CCDC138: variants seen among roughly 807,000 people sequenced by gnomAD.
The protein encoded by CCDC138 is coiled-coil domain containing 138, also known as coiled-coil domain-containing protein 138.
Under a neutral mutation model 82.3 loss-of-function variants are expected in CCDC138, and 66 were observed. The ratio of observed to expected loss-of-function variants is 0.80; its 90% CI spans 0.66 to 0.98. The LOEUF (loss-of-function observed/expected upper bound fraction) is 0.98, where lower values mean the gene tolerates loss of function less well. Ranked by LOEUF, CCDC138 falls within the 50% of genes least tolerant of loss-of-function variation. The pLI, the probability that CCDC138 is intolerant of heterozygous loss-of-function variation, is 0.00. For synonymous variants in CCDC138, 297 were observed against 265.4 expected (o/e 1.12, Z -1.16); for missense variants, 816 against 758.9 (o/e 1.08, Z -0.88).
intron 10 of CCDC138, among the ~76,000 whole-genome samples, chr2:108,837,906 G>A (rs1245802684): frequency 6.6e-6 from 1 of 151,886 alleles, no homozygotes; most frequent in African/African-American, 2.4e-5. Context: ...AACTTATGAG[G>A]TGTCTATAAT....
At chr2:108,882,221 GT>G (rs1442473608) in intron 1 of CCDC138, 3 of 151,588 alleles carry the variant, frequency 2.0e-5, no homozygotes, top group African/African-American at 7.3e-5. Flanking sequence ...TAACATAATA[GT>G]AACAGAAAAG....
chr2:108,791,938 G>A, intron 4 of CCDC138, 136 bp downstream of exon 4: 1 of 866,946 alleles, frequency 1.2e-6, no homozygotes, highest in Non-Finnish European at 1.7e-6. Context: ...TAAGCTAGGA[G>A]ATAGTTACTG....
chr2:108,860,684 T>C (rs1239392049), intron 13 of CCDC138, among the ~76,000 whole-genome samples: 3 of 152,080 alleles, frequency 2.0e-5, no homozygotes, highest in African/African-American at 7.2e-5. Context: ...CTTTTTGATG[T>C]GCTACTAGGT....
chr2:108,853,767 C>T (rs1424995603), intron 12 of CCDC138, among the ~76,000 whole-genome samples: 1 of 143,964 alleles, frequency 6.9e-6, no homozygotes, highest in Non-Finnish European at 1.5e-5. Context: ...CTGAAGCTGT[C>T]TTCCCCTCTT....
intron 10 of CCDC138, among the ~76,000 whole-genome samples, chr2:108,833,894 A>ATTTTTT (rs749488565): frequency 1.3e-5 from 1 of 79,242 alleles, no homozygotes; most frequent in African/African-American, 5.0e-5. Context: ...CGCCCGGCTA[A>ATTTTTT]TTTTTTTTTT....
intron 11 of CCDC138, among the ~76,000 whole-genome samples, chr2:108,842,246 C>A (rs1393124098): frequency 6.6e-6 from 1 of 151,654 alleles, no homozygotes; most frequent in African/African-American, 2.4e-5. Flanking sequence ...GCTTTGTTGC[C>A]CAGGCTGGTC....
At chr2:108,854,734 T>G (rs774268547) in intron 12 of CCDC138, among the ~76,000 whole-genome samples, 4 of 152,182 alleles carry the variant, frequency 2.6e-5, no homozygotes, top group Non-Finnish European at 5.9e-5. Context: ...CTGTTCTTTC[T>G]TGGCCTCTCT....
intron 11 of CCDC138, 52 bp from the exon 12 acceptor site, chr2:108,846,686 G>A (rs1486998850): frequency 6.1e-6 from 9 of 1,478,094 alleles, no homozygotes; most frequent in Non-Finnish European, 7.4e-6. Context: ...CAAAAAAAAA[G>A]ATATATTCTG....
intron 7 of CCDC138, among the ~76,000 whole-genome samples, chr2:108,807,991 A>G (rs1683152565): frequency 6.6e-6 from 1 of 152,150 alleles, no homozygotes; most frequent in South Asian, 2.1e-4. Context: ...ACCTCTAGTA[A>G]CCAATATTAT....
At chr2:108,854,327 A>G (rs1005731093) in intron 12 of CCDC138, among the ~76,000 whole-genome samples, 9 of 151,638 alleles carry the variant, frequency 5.9e-5, no homozygotes, top group Admixed American at 4.0e-4. Flanking sequence ...CTTCAACTCT[A>G]TAGTCAGACA....
chr2:108,843,438 A>C (rs750711555), intron 11 of CCDC138, among the ~76,000 whole-genome samples: 6 of 152,216 alleles, frequency 3.9e-5, no homozygotes, highest in Non-Finnish European at 8.8e-5. Context: ...GATTACAGGC[A>C]TAAGCCACCG....
intron 14 of CCDC138, 60 bp from the exon 15 acceptor site, chr2:108,876,028 T>A: frequency 3.8e-6 from 4 of 1,060,900 alleles, no homozygotes; most frequent in Non-Finnish European, 5.5e-6. Flanking sequence ...TCTGTCAGTG[T>A]CATTGCAGAT....
chr2:108,851,911 G>A (rs1033370508), intron 12 of CCDC138, among the ~76,000 whole-genome samples: 1 of 152,110 alleles, frequency 6.6e-6, no homozygotes, highest in African/African-American at 2.4e-5. Flanking sequence ...TAGTGATGAG[G>A]TTTACAAAGG....
chr2:108,869,142 C>G (rs1410910526), intron 13 of CCDC138, among the ~76,000 whole-genome samples: 1 of 151,896 alleles, frequency 6.6e-6, no homozygotes, highest in African/African-American at 2.4e-5. Context: ...TGCTTGTTTC[C>G]CCACAGAAAC....
chr2:108,814,941 A>G (rs761545172), intron 9 of CCDC138, among the ~76,000 whole-genome samples: 3 of 152,070 alleles, frequency 2.0e-5, no homozygotes, highest in African/African-American at 7.2e-5. Flanking sequence ...TGGCCTGCAG[A>G]TTTTTAAAAA....
intron 11 of CCDC138, among the ~76,000 whole-genome samples, chr2:108,841,997 A>C (rs1019935594): frequency 1.3e-5 from 2 of 152,064 alleles, no homozygotes; most frequent in African/African-American, 4.8e-5. Context: ...ATTAGAAGTC[A>C]TAGAAGTTGG....
chr2:108,858,890 T>G (rs916232458), intron 13 of CCDC138, among the ~76,000 whole-genome samples: 2 of 152,168 alleles, frequency 1.3e-5, no homozygotes, highest in Non-Finnish European at 2.9e-5. Context: ...ATGGTGTATA[T>G]GTATCACATT....
chr2:108,807,983 C>T (rs1452057638), intron 7 of CCDC138, among the ~76,000 whole-genome samples: 3 of 152,150 alleles, frequency 2.0e-5, no homozygotes, highest in Admixed American at 1.3e-4. Context: ...CCATCCCAAC[C>T]TCTAGTAACC....
At chr2:108,883,783 C>T (rs1221998423) in intron 2 of CCDC138, 2 of 152,236 alleles carry the variant, frequency 1.3e-5, no homozygotes, top group Non-Finnish European at 2.9e-5. Flanking sequence ...AAGGGTCTGC[C>T]CCTCTTGGTT....
Sources: allele counts gnomAD v4.1 joint callset (sites outside exome capture counted in the v4.1 genomes callset), GRCh38; gene constraint gnomAD v4.1.1; transcripts MANE v1.5; gene names NCBI Gene and HGNC (gene_info 2026-07-23, HGNC 2026-07-21).